MFSD8: variants seen among roughly 807,000 people sequenced by gnomAD.
MFSD8 encodes major facilitator superfamily domain-containing protein 8.
Under a neutral mutation model 66.4 loss-of-function variants are expected in MFSD8, and 55 were observed. The ratio of observed to expected loss-of-function variants is 0.83; its 90% CI spans 0.67 to 1.04. The LOEUF is 1.04. MFSD8 is among the 50% of genes least tolerant of loss of function. The probability of loss-of-function intolerance (pLI) is 0.00; values close to 1 mark genes in which losing one functional copy is unlikely to be tolerated. For synonymous variants in MFSD8, 202 were observed against 212.8 expected, an observed-to-expected ratio of 0.95 and a Z score of 0.44; for missense variants, 550 against 627.6, an observed-to-expected ratio of 0.88 and a Z score of 1.32.
intron 7 of MFSD8, 135 bp from the exon 8 acceptor site, chr4:127,933,228 TTAA>T (rs1384132688): frequency 1.2e-5 from 8 of 673,690 alleles, no homozygotes; most frequent in African/African-American, 5.5e-5. Context: ...TCAAAGTAGT[TTAA>T]TAATAAGAGA....
chr4:127,927,999 T>G (rs1028567574), intron 9 of MFSD8, among the ~76,000 whole-genome samples: 2 of 152,182 alleles, frequency 1.3e-5, no homozygotes, highest in Non-Finnish European at 2.9e-5. Context: ...TTGCTGGGGT[T>G]GCAGATGTGA....
In MFSD8 at chr4:127,943,738, A is replaced by G. The variant is rs750249018; in HGVS notation, c.439+14T>C. 6.2e-7 allele frequency: 1 copy of G among 1,614,054 alleles called. No homozygotes were observed. Among genetic ancestry groups the G allele is most frequent in the Non-Finnish European group, 8.5e-7 (1 of 1,179,996 alleles). On this transcript the variant is annotated intron_variant, in intron 4 of 11. Coordinates refer to ENST00000641686, the MANE Select transcript of MFSD8 (RefSeq NM_001371596.2). The stretch of plus-strand genomic sequence containing the variant: ...GTGAATATGACACAACCAAACATAT[A>G]CATACAACCTTACCTGCTCCAATTC...
intron 9 of MFSD8, 24 bp downstream of exon 9, chr4:127,930,659 T>C: frequency 6.2e-7 from 1 of 1,612,918 alleles, no homozygotes; most frequent in Non-Finnish European, 8.5e-7. Context: ...AAAACAGACA[T>C]AAAACCAAAA....
chr4:127,957,446 G>C, intron 2 of MFSD8, 55 bp downstream of exon 2: 2 of 1,215,434 alleles, frequency 1.6e-6, no homozygotes, highest in Middle Eastern at 2.1e-4. Context: ...AGTAAATGAA[G>C]TTAAAATATG....
chr4:127,939,604 C>CCAAAAAAAAA (rs1491477902), intron 6 of MFSD8: 1 of 79,320 alleles, frequency 1.3e-5, no homozygotes, highest in Admixed American at 2.2e-4. Flanking sequence ...GATCTTGTCT[C>CCAAAAAAAAA]AAAAAAAAAA....
chr4:127,928,021 T>C (rs1320790959), intron 9 of MFSD8, among the ~76,000 whole-genome samples: 1 of 152,076 alleles, frequency 6.6e-6, no homozygotes, highest in African/African-American at 2.4e-5. Flanking sequence ...TCACCATACC[T>C]GGCCAAAATT....
At chr4:127,942,357 A>G (rs1344988670) in intron 4 of MFSD8, among the ~76,000 whole-genome samples, 199 bp from the exon 5 acceptor site, 1 of 152,178 alleles carries the variant, frequency 6.6e-6, no homozygotes, top group Admixed American at 6.5e-5. Context: ...AGTTTTGGTA[A>G]TATGAAAACA....
At position 127,943,897 on chromosome 4, in the gene MFSD8, A is replaced by G; in HGVS notation, c.294T>C (p.Ser98=). ...MVASPIFGLW[S]NYRPRKEPLI... ...GAGGCTCTTTTCTTGGTCTATAATT[A>G]GACCATAAACCAAATATAGGTGAAG... The change falls in exon 4 of 12, where the codon TCT becomes TCC. Residue 98 remains serine, a synonymous_variant. Transcript: ENST00000641686. 6.2e-7 allele frequency: 1 copy of G among 1,614,182 alleles called. No individual in the cohort carries two copies. The highest frequency in any genetic ancestry group is 8.5e-7 in the Non-Finnish European group (1 of 1,180,030).
At chr4:127,956,021 A>C (rs1287992062) in intron 2 of MFSD8, among the ~76,000 whole-genome samples, 1 of 152,064 alleles carries the variant, frequency 6.6e-6, no homozygotes, top group African/African-American at 2.4e-5. Flanking sequence ...CGGGAGGCTA[A>C]GGCACAAGAA....
rs781391960 is a variant in MFSD8, at chr4:127,921,890, C to T, written c.1072G>A (p.Gly358Arg). Residue 358 changes from glycine (G) to arginine (R), a missense_variant, in exon 10 of 12, where the codon GGA (glycine) becomes AGA (arginine). Physicochemically the swap from Gly to Arg is moderately radical, Grantham distance 125. Coordinates refer to ENST00000641686, the MANE Select transcript of MFSD8 (RefSeq NM_001371596.2). Reference protein sequence around the residue: ...WVGFFILLPWGNQFPKIQWED... With the variant: ...WVGFFILLPWRNQFPKIQWED... Reference sequence around the variant, plus strand: ...CACTGTATTTTGGGAAATTGATTTCCCCAAGGTAACAAGATAAAGAAGCCA... The same window carrying T: ...CACTGTATTTTGGGAAATTGATTTCTCCAAGGTAACAAGATAAAGAAGCCA... The T allele has an allele frequency of 6.2e-7, 1 of 1,613,942 alleles. No individual in the cohort carries two copies. The highest frequency in any genetic ancestry group is 8.5e-7 in the Non-Finnish European group (1 of 1,179,990).
intron 2 of MFSD8, among the ~76,000 whole-genome samples, chr4:127,950,297 T>C (rs1425976215): frequency 6.6e-6 from 1 of 152,162 alleles, no homozygotes; most frequent in East Asian, 1.9e-4. Context: ...CCAGAATACT[T>C]CAAGATGGCC....
At chr4:127,944,831 T>A (rs1740777042) in intron 3 of MFSD8, among the ~76,000 whole-genome samples, 1 of 151,968 alleles carries the variant, frequency 6.6e-6, no homozygotes, top group Non-Finnish European at 1.5e-5. Context: ...CACCTAATTT[T>A]TTTATTTTTG....
In MFSD8 at chr4:127,919,780, C is replaced by G. The variant is rs1195654189; in HGVS notation, c.*850G>C. Reference sequence around the variant, plus strand: ...TGTTTTACTAATTAAATGTTTTTCTCCAGTTTAAGGGGGTTGAAAAATAGC... The same window carrying G: ...TGTTTTACTAATTAAATGTTTTTCTGCAGTTTAAGGGGGTTGAAAAATAGC... On this transcript the variant is annotated 3_prime_UTR_variant, in exon 12 of 12. Coordinates refer to ENST00000641686, the MANE Select transcript of MFSD8 (RefSeq NM_001371596.2). The G allele has an allele frequency of 6.6e-6, 1 of 151,912 alleles. No homozygotes were observed. Among genetic ancestry groups the G allele is most frequent in the Admixed American group, 6.6e-5 (1 of 15,234 alleles). 9.4% of individuals were successfully genotyped at this position (151,912 alleles called of 1,614,324 possible).
At position 127,921,954 on chromosome 4, in the gene MFSD8, C is replaced by A; in HGVS notation, c.1008G>T (p.Glu336Asp). Residue 336 changes from glutamate to aspartate, a missense_variant, in exon 10 of 12, where the codon GAG becomes GAT. Coordinates refer to ENST00000641686, the MANE Select transcript of MFSD8 (RefSeq NM_001371596.2). ...GVKLLSKKIG[E>D]RAILLGGLIV... is the part of the protein sequence containing the mutation. ...TGAGTCCTCCCAGTAGAATAGCACG[C>A]TCGCCAATCCTGTTAAAGAACAGAA... 1 of 1,613,836 alleles carries A rather than the reference C, an allele frequency of 6.2e-7. No individual in the cohort carries two copies. The highest frequency in any genetic ancestry group is 1.3e-5 in the African/African-American group (1 of 75,020).
chr4:127,956,745 G>A (rs1742948645), intron 2 of MFSD8, among the ~76,000 whole-genome samples: 1 of 150,650 alleles, frequency 6.6e-6, no homozygotes. Context: ...TTGAATCTGG[G>A]AGGTGGAGGT....
At chr4:127,934,261 A>G (rs1201272841) in intron 7 of MFSD8, among the ~76,000 whole-genome samples, 2 of 152,192 alleles carry the variant, frequency 1.3e-5, no homozygotes, top group South Asian at 4.1e-4. Flanking sequence ...ATAAATAACA[A>G]GAAATTAGTA....
At chr4:127,944,034 A>G (rs1265330398) in intron 3 of MFSD8, 42 bp from the exon 4 acceptor site, 1 of 1,613,326 alleles carries the variant, frequency 6.2e-7, no homozygotes, top group African/African-American at 1.3e-5. Context: ...GTTATCCAAG[A>G]AAAGTTTAAA....
At position 127,951,526 on chromosome 4, in the gene MFSD8, C is replaced by T. The variant is rs114900093; in HGVS notation, c.155-1679G>A. On this transcript the variant is annotated intron_variant, in intron 2 of 11. Coordinates refer to ENST00000641686, the MANE Select transcript of MFSD8 (RefSeq NM_001371596.2). Reference sequence around the variant, plus strand: ...TACAGGCATTAGCCACTGCGCCCAGCCATTACTGTCAATTTTAGAACACAT... The same window carrying T: ...TACAGGCATTAGCCACTGCGCCCAGTCATTACTGTCAATTTTAGAACACAT... Among the ~76,000 whole-genome samples, 3 of 152,236 alleles carry T rather than the reference C, an allele frequency of 2.0e-5. No individual in the cohort carries two copies. The East Asian group carries it at 5.8e-4, about 29-fold the overall frequency.
intron 5 of MFSD8, among the ~76,000 whole-genome samples, chr4:127,940,878 A>G (rs897819824): frequency 2.0e-5 from 3 of 152,166 alleles, no homozygotes; most frequent in Non-Finnish European, 4.4e-5. Flanking sequence ...TACTTAGAAC[A>G]GTGACTAGCA....
Sources: allele counts gnomAD v4.1 joint callset (sites outside exome capture counted in the v4.1 genomes callset), GRCh38; gene constraint gnomAD v4.1.1; transcripts MANE v1.5; gene names NCBI Gene and HGNC (gene_info 2026-07-23, HGNC 2026-07-21).